Variants in SPATS2 observed in about 807,000 individuals in gnomAD.
SPATS2 encodes spermatogenesis-associated serine-rich protein 2.
SPATS2 carries 38 observed loss-of-function variants against 63.7 expected under a neutral mutation model. That is an observed-to-expected ratio of 0.60 (90% CI 0.46 to 0.78). SPATS2 has a LOEUF of 0.78. Among genes scored for constraint, SPATS2 ranks in the 30% least tolerant of loss-of-function variants. The probability of loss-of-function intolerance (pLI) is 0.00; values close to 1 mark genes in which losing one functional copy is unlikely to be tolerated. For missense variants in SPATS2, 588 were observed against 666.2 expected, an observed-to-expected ratio of 0.88 and a Z score of 1.29; for synonymous variants, 207 against 232.9, an observed-to-expected ratio of 0.89 and a Z score of 1.01.
At chr12:49,412,600 G>T (rs1248869522) in intron 2 of SPATS2, among the ~76,000 whole-genome samples, 1 of 151,914 alleles carries the variant, frequency 6.6e-6, no homozygotes, top group Non-Finnish European at 1.5e-5. Flanking sequence ...GTCGTTTCAG[G>T]CTGGGCATGG....
intron 10 of SPATS2, among the ~76,000 whole-genome samples, chr12:49,516,166 AATATATATATATATATATATAT>A (rs869230532): frequency 1.3e-4 from 4 of 30,824 alleles, no homozygotes; most frequent in Non-Finnish European, 1.9e-4. Context: ...AAAAAAAAAA[AATATATATATATATATATATAT>A]ATATATATAT....
At chr12:49,518,360 A>G (rs1051989677) in intron 10 of SPATS2, among the ~76,000 whole-genome samples, 1 of 152,178 alleles carries the variant, frequency 6.6e-6, no homozygotes, top group African/African-American at 2.4e-5. Context: ...TGCCATGACC[A>G]TATCCAAGTT....
At chr12:49,455,408 C>CT (rs1945702355) in intron 2 of SPATS2, among the ~76,000 whole-genome samples, 2 of 152,232 alleles carry the variant, frequency 1.3e-5, no homozygotes, top group South Asian at 4.1e-4. Context: ...CCAAGGTCTC[C>CT]TATAGTCTCT....
intron 8 of SPATS2, among the ~76,000 whole-genome samples, chr12:49,498,145 A>AAAAAATATAT (rs66900382): frequency 8.9e-4 from 88 of 98,944 alleles, no homozygotes; most frequent in African/African-American, 1.0e-3. Context: ...AAAAAAAAAA[A>AAAAAATATAT]ATATATATAT....
intron 2 of SPATS2, among the ~76,000 whole-genome samples, chr12:49,436,810 G>T (rs1270040335): frequency 1.4e-5 from 2 of 141,046 alleles, no homozygotes; most frequent in African/African-American, 2.6e-5. Flanking sequence ...AGGGGCGGCC[G>T]GGCAGAGGCG....
At chr12:49,501,060 T>C (rs993075954) in intron 9 of SPATS2, among the ~76,000 whole-genome samples, 2 of 151,988 alleles carry the variant, frequency 1.3e-5, no homozygotes, top group Admixed American at 6.6e-5. Flanking sequence ...CCAGCAATCC[T>C]CCCACCTCAG....
chr12:49,462,341 C>T, intron 3 of SPATS2: 1 of 702,380 alleles, frequency 1.4e-6, no homozygotes, highest in Middle Eastern at 2.3e-4. Flanking sequence ...CTGGCTGCTT[C>T]AGTACCAGCA....
intron 3 of SPATS2, among the ~76,000 whole-genome samples, chr12:49,482,099 G>T (rs958578147): frequency 1.3e-5 from 2 of 152,216 alleles, no homozygotes; most frequent in African/African-American, 2.4e-5. Flanking sequence ...TGAGGTGTTG[G>T]TTTAAGTTTA....
intron 9 of SPATS2, among the ~76,000 whole-genome samples, chr12:49,513,062 T>C (rs548455767): frequency 6.6e-6 from 1 of 152,376 alleles, no homozygotes; most frequent in African/African-American, 2.4e-5. Flanking sequence ...CTATGTTCTC[T>C]GGCACTTCCC....
At chr12:49,477,951 T>C (rs1290846764) in intron 3 of SPATS2, among the ~76,000 whole-genome samples, 1 of 151,306 alleles carries the variant, frequency 6.6e-6, no homozygotes, top group Non-Finnish European at 1.5e-5. Flanking sequence ...TTTTGGTTTT[T>C]GTGGTTTTGT....
At chr12:49,504,271 C>A (rs1462784835) in intron 9 of SPATS2, among the ~76,000 whole-genome samples, 1 of 152,188 alleles carries the variant, frequency 6.6e-6, no homozygotes, top group Non-Finnish European at 1.5e-5. Context: ...CAAAAACTGA[C>A]ACACCTATAG....
chr12:49,520,922 T>C (rs538161991), intron 11 of SPATS2, among the ~76,000 whole-genome samples: 3 of 152,132 alleles, frequency 2.0e-5, no homozygotes, highest in African/African-American at 7.2e-5. Context: ...TTTCACCATG[T>C]TGGCCAGGCT....
intron 3 of SPATS2, 134 bp from the exon 4 acceptor site, chr12:49,484,456 A>G: frequency 1.5e-6 from 1 of 674,790 alleles, no homozygotes; most frequent in Non-Finnish European, 2.5e-6. Context: ...TATCTATGTA[A>G]CAGAATTTGC....
chr12:49,494,690 G>A, intron 6 of SPATS2, 51 bp from the exon 7 acceptor site: 10 of 1,459,716 alleles, frequency 6.9e-6, no homozygotes, highest in Non-Finnish European at 9.1e-6. Context: ...TAGGTTGTGG[G>A]GGAATCTTTT....
At chr12:49,436,768 T>C (rs1945306292) in intron 2 of SPATS2, among the ~76,000 whole-genome samples, 1 of 142,178 alleles carries the variant, frequency 7.0e-6, no homozygotes, top group African/African-American at 2.7e-5. Context: ...ACAGGGCGGC[T>C]GGCCGGGCAG....
chr12:49,373,087 G>A (rs6580708), intron 2 of SPATS2, among the ~76,000 whole-genome samples: 1 of 151,376 alleles, frequency 6.6e-6, no homozygotes. Flanking sequence ...ATTCTCCTTC[G>A]TCAGCCTCCT....
chr12:49,464,567 C>T (rs1221545763), intron 3 of SPATS2, among the ~76,000 whole-genome samples: 5 of 144,570 alleles, frequency 3.5e-5, no homozygotes, highest in African/African-American at 1.0e-4. Context: ...GTGGAGGTTG[C>T]GATGAGCCGA....
intron 2 of SPATS2, among the ~76,000 whole-genome samples, chr12:49,381,744 G>A (rs1592343522): frequency 6.6e-6 from 1 of 152,110 alleles, no homozygotes; most frequent in African/African-American, 2.4e-5. Flanking sequence ...TATTATCATT[G>A]TTTTATGCTT....
At chr12:49,414,934 T>TC (rs1944860223) in intron 2 of SPATS2, among the ~76,000 whole-genome samples, 1 of 143,688 alleles carries the variant, frequency 7.0e-6, no homozygotes, top group African/African-American at 2.6e-5. Flanking sequence ...TTTTTCTTTT[T>TC]CTTTTCTTTT....
Sources: allele counts gnomAD v4.1 joint callset (sites outside exome capture counted in the v4.1 genomes callset), GRCh38; gene constraint gnomAD v4.1.1; transcripts MANE v1.5; gene names NCBI Gene and HGNC (gene_info 2026-07-23, HGNC 2026-07-21).